The following CNN2 variants were observed in gnomAD, a reference collection of about 807,000 sequenced individuals.
CNN2 encodes calponin 2.
Under a neutral mutation model 31.0 loss-of-function variants are expected in CNN2, and 21 were observed. The ratio of observed to expected loss-of-function variants is 0.68; its 90% confidence interval spans 0.48 to 0.98. The LOEUF is 0.98. Among genes scored for constraint, CNN2 ranks in the 50% least tolerant of loss-of-function variants. The probability of loss-of-function intolerance (pLI) is 0.00; values close to 1 mark genes in which losing one functional copy is unlikely to be tolerated. For synonymous variants in CNN2, 165 were observed against 179.6 expected, an observed-to-expected ratio of 0.92 and a Z score of 0.65; for missense variants, 399 against 427.3, an observed-to-expected ratio of 0.93 and a Z score of 0.58.
chr19:1,028,414 C>A (rs891780811), intron 1 of CNN2, among the ~76,000 whole-genome samples: 5 of 152,180 alleles, frequency 3.3e-5, no homozygotes, highest in South Asian at 2.1e-4. Context: ...AGGGTCGCCT[C>A]CCAATTAGAA....
chr19:1,035,317 T>G (rs1156418003), intron 4 of CNN2, among the ~76,000 whole-genome samples: 1 of 152,046 alleles, frequency 6.6e-6, no homozygotes, highest in Non-Finnish European at 1.5e-5. Context: ...GTCTTGACAT[T>G]GGAATTGGCT....
At chr19:1,029,853 C>T (rs915743919) in intron 1 of CNN2, among the ~76,000 whole-genome samples, 3 of 152,064 alleles carry the variant, frequency 2.0e-5, no homozygotes, top group African/African-American at 7.2e-5. Flanking sequence ...GTGCCCACCA[C>T]CACGCCCAGC....
At chr19:1,032,311 C>A in intron 2 of CNN2, 81 bp from the exon 3 acceptor site, 1 of 1,555,000 alleles carries the variant, frequency 6.4e-7, no homozygotes, top group Non-Finnish European at 8.8e-7. Flanking sequence ...GTGAGCTTGG[C>A]TGAGATCAGC....
chr19:1,036,890 G>A (rs942615441), intron 6 of CNN2: 1 of 388,460 alleles, frequency 2.6e-6, no homozygotes, highest in South Asian at 2.1e-5. Flanking sequence ...ATCTCACTCT[G>A]TTGTCCAGGC....
At chr19:1,026,901 G>A in intron 1 of CNN2, 177 bp downstream of exon 1, 1 of 590,804 alleles carries the variant, frequency 1.7e-6, no homozygotes, top group Non-Finnish European at 2.9e-6. Context: ...ACCCCCTGAG[G>A]CTCCCGCGAA....
At chr19:1,028,969 G>A (rs2039445106) in intron 1 of CNN2, among the ~76,000 whole-genome samples, 2 of 152,032 alleles carry the variant, frequency 1.3e-5, no homozygotes, top group African/African-American at 4.8e-5. Flanking sequence ...CAGGTGCCAG[G>A]TCAGGGGACC....
Position 1,037,766 on chromosome 19 carries a change from C to T in CNN2, c.796C>T (p.Arg266Trp), listed in dbSNP as rs770994164. ...NQSGQVFGLG[R>W]QIYDPKYCPQ... ...GAGCGGCCAGGTCTTCGGCCTGGGC[C>T]GGCAGATATATGACCCCAAGTACTG... The change falls in exon 7 of 7, where the codon CGG becomes TGG. Residue 266 changes from arginine to tryptophan, a missense_variant. By Grantham distance (101) the Arg-to-Trp change is moderately radical (BLOSUM62 -3). Transcript: ENST00000263097. The T allele has an allele frequency of 3.7e-5, 60 of 1,611,516 alleles. No individual in the cohort carries two copies. Among genetic ancestry groups the T allele is most frequent in the Non-Finnish European group, 4.7e-5 (56 of 1,180,042 alleles).
intron 6 of CNN2, 157 bp downstream of exon 6, chr19:1,036,719 G>A (rs11667191): frequency 0.16 from 138,153 of 864,442 alleles, 12,272 homozygotes; most frequent in Non-Finnish European, 0.18. Context: ...CTCTGTCTCC[G>A]CCTTGGATTT....
intron 4 of CNN2, chr19:1,032,933 C>A (rs536253222): frequency 2.3e-6 from 1 of 435,230 alleles, no homozygotes; most frequent in Admixed American, 3.5e-5. Context: ...CACCTGCCAC[C>A]ACGCCTGGCT....
intron 4 of CNN2, among the ~76,000 whole-genome samples, chr19:1,033,400 C>T (rs1191689125): frequency 6.6e-6 from 1 of 152,032 alleles, no homozygotes; most frequent in Non-Finnish European, 1.5e-5. Flanking sequence ...TGCCTGTAAT[C>T]CCAGCTACTC....
intron 2 of CNN2, among the ~76,000 whole-genome samples, chr19:1,031,670 A>G (rs528391530): frequency 2.0e-3 from 289 of 142,902 alleles, no homozygotes; most frequent in African/African-American, 7.2e-3. Context: ...GCTGGAGTGC[A>G]GTGGCATGAT....
chr19:1,037,825 G>C lies in CNN2; in HGVS notation c.855G>C (p.Ser285=). The C allele has an allele frequency of 6.2e-7, 1 of 1,608,192 alleles. No homozygotes were observed. The change falls in exon 7 of 7, where the codon TCG becomes TCC. Residue 285 remains serine (S), a synonymous_variant. Coordinates refer to ENST00000263097, the MANE Select transcript of CNN2 (RefSeq NM_004368.4). ...GCACAGTGGCCGATGGGGCTCCCTCGGGCACCGGCGACTGCCCGGACCCGG... is the reference window on the plus strand; with the variant it reads ...GCACAGTGGCCGATGGGGCTCCCTCCGGCACCGGCGACTGCCCGGACCCGG... ...PQGTVADGAP[S]GTGDCPDPGE...
At chr19:1,030,056 C>T (rs2039462465) in intron 1 of CNN2, among the ~76,000 whole-genome samples, 1 of 152,156 alleles carries the variant, frequency 6.6e-6, no homozygotes, top group African/African-American at 2.4e-5. Flanking sequence ...ACACGACCTG[C>T]CCCCATGCTT....
rs1034460463 is a variant in CNN2 at position 1,028,723 on chromosome 19, C to G, written c.63+1999C>G. Among the ~76,000 whole-genome samples the G allele has an allele frequency of 2.0e-3, 293 of 147,198 alleles. 5 individuals are homozygous for G. The highest frequency in any genetic ancestry group is 4.8e-3 in the South Asian group (22 of 4,566). ...GCGGGGGGGCGGGGGTGGGGGAGGA[C>G]GGCAGCGGCTGGGGGTGGGGCCAGG... On this transcript the variant is annotated intron_variant, in intron 1 of 6. Coordinates refer to ENST00000263097, the MANE Select transcript of CNN2 (RefSeq NM_004368.4).
Position 1,031,212 on chromosome 19 carries a change from C to T in CNN2, c.185+20C>T, listed in dbSNP as rs372096638. 1.2e-5 allele frequency: 19 copies of T among 1,580,840 alleles called. No individual in the cohort carries two copies. The highest frequency in any genetic ancestry group is 4.6e-5 in the East Asian group (2 of 43,848). ...ATGCACGTGAGTACACGCAGGGACACAGGCTGTCTCACACTTAACAAATCT... is the reference window on the plus strand; with the variant it reads ...ATGCACGTGAGTACACGCAGGGACATAGGCTGTCTCACACTTAACAAATCT... On this transcript the variant is annotated intron_variant, in intron 2 of 6. Coordinates refer to ENST00000263097, the MANE Select transcript of CNN2 (RefSeq NM_004368.4).
At position 1,036,489 on chromosome 19, in the gene CNN2, A is replaced by G. The variant is rs776266738; in HGVS notation, c.581A>G (p.Lys194Arg). 1 of 1,613,284 alleles carries G rather than the reference A, an allele frequency of 6.2e-7. No individual in the cohort carries two copies. The highest frequency in any genetic ancestry group is 1.1e-5 in the South Asian group (1 of 91,082). Reference protein sequence around the residue: ...YGTRRHLYDPKNHILPPMDHS... With the variant: ...YGTRRHLYDPRNHILPPMDHS... Reference sequence around the variant, plus strand: ...ACGAGAAGGCATCTCTATGACCCCAAGAACCATATCCTGCCCCCCATGGAC... The same window carrying G: ...ACGAGAAGGCATCTCTATGACCCCAGGAACCATATCCTGCCCCCCATGGAC... The change falls in exon 6 of 7, where the codon AAG becomes AGG. Residue 194 changes from lysine to arginine, a missense_variant. Coordinates refer to ENST00000263097, the MANE Select transcript of CNN2 (RefSeq NM_004368.4).
In CNN2 at chr19:1,032,306, C is replaced by G. The variant is rs935287367; in HGVS notation, c.186-86C>G. On this transcript the variant is annotated intron_variant, in intron 2 of 6. Transcript: ENST00000263097. Reference sequence around the variant, plus strand: ...GTGAGTTTGCCCAGGAAGGCGTGAGCTTGGCTGAGATCAGCATCGGGTCTT... The same window carrying G: ...GTGAGTTTGCCCAGGAAGGCGTGAGGTTGGCTGAGATCAGCATCGGGTCTT... The G allele has an allele frequency of 2.0e-5, 30 of 1,535,970 alleles. No homozygotes were observed. In the African/African-American group the frequency reaches 2.7e-4, roughly 14 times the overall value.
chr19:1,027,035 C>T (rs887423365), intron 1 of CNN2: 9 of 304,332 alleles, frequency 3.0e-5, no homozygotes, highest in Non-Finnish European at 4.9e-5. Context: ...ACGTGTGAAG[C>T]CCCTGGCGCC....
At chr19:1,027,027 G>C in intron 1 of CNN2, 1 of 322,994 alleles carries the variant, frequency 3.1e-6, no homozygotes, top group East Asian at 6.3e-5. Context: ...GGACCCCCAC[G>C]TGTGAAGCCC....
Sources: gnomAD v4.1 joint callset for allele counts (sites outside exome capture counted in the v4.1 genomes callset) on GRCh38, gnomAD v4.1.1 for gene constraint, MANE v1.5 for transcripts, NCBI Gene and HGNC (gene_info 2026-07-23, HGNC 2026-07-21) for gene names.